Variants in IP6K2 observed in about 807,000 individuals in gnomAD.
The protein encoded by IP6K2 is ATP:1D-myo-inositol-hexakisphosphate phosphotransferase.
Under a neutral mutation model 43.3 loss-of-function variants are expected in IP6K2, and 9 were observed. The observed-to-expected ratio is 0.21, with a 90% CI of 0.13 to 0.36. IP6K2 has a LOEUF of 0.36. Ranked by LOEUF, IP6K2 falls within the 10% of genes least tolerant of loss-of-function variation. The probability of loss-of-function intolerance (pLI) is 1.00; values close to 1 mark genes in which losing one functional copy is unlikely to be tolerated. For synonymous variants in IP6K2, 209 were observed against 202.4 expected, an observed-to-expected ratio of 1.03 and a Z score of -0.28; for missense variants, 332 against 538.4, an observed-to-expected ratio of 0.62 and a Z score of 3.79.
chr3:48,714,440 G>A (rs6786069), intron 1 of IP6K2, among the ~76,000 whole-genome samples: 1 of 151,848 alleles, frequency 6.6e-6, no homozygotes, highest in South Asian at 2.1e-4. Context: ...TCGCCCAGGC[G>A]GGAGTGCAGT....
At chr3:48,694,489 A>G (rs2078090439) in intron 2 of IP6K2, 7 of 1,547,322 alleles carry the variant, frequency 4.5e-6, no homozygotes, top group South Asian at 1.2e-5. Flanking sequence ...CCACTCCCCA[A>G]CAAAGACCCC....
intron 1 of IP6K2, among the ~76,000 whole-genome samples, chr3:48,708,762 T>C (rs1487637948): frequency 6.6e-6 from 1 of 152,166 alleles, no homozygotes; most frequent in Non-Finnish European, 1.5e-5. Context: ...CATGGTTCTT[T>C]CATATGCCAA....
chr3:48,701,989 T>A (rs2079108329), intron 1 of IP6K2, among the ~76,000 whole-genome samples: 1 of 152,232 alleles, frequency 6.6e-6, no homozygotes, highest in Non-Finnish European at 1.5e-5. Flanking sequence ...GCATCCATTC[T>A]ATTTGGACTC....
intron 1 of IP6K2, among the ~76,000 whole-genome samples, chr3:48,700,169 A>G (rs2078869830): frequency 6.6e-6 from 1 of 152,210 alleles, no homozygotes; most frequent in Admixed American, 6.5e-5. Context: ...TTGGAGTTGC[A>G]AAGAAGTGGC....
chr3:48,701,757 G>A (rs1240731778), intron 1 of IP6K2, among the ~76,000 whole-genome samples: 3 of 151,894 alleles, frequency 2.0e-5, no homozygotes, highest in African/African-American at 7.3e-5. Flanking sequence ...AATTAGCTAG[G>A]CGTGGTGGCA....
At chr3:48,698,960 CA>C (rs1227096578) in intron 1 of IP6K2, among the ~76,000 whole-genome samples, 1 of 152,084 alleles carries the variant, frequency 6.6e-6, no homozygotes, top group Non-Finnish European at 1.5e-5. Flanking sequence ...GCAATGCTAA[CA>C]ACAATGCAAA....
intron 1 of IP6K2, among the ~76,000 whole-genome samples, chr3:48,703,330 C>A (rs1461740047): frequency 1.3e-5 from 2 of 152,114 alleles, no homozygotes; most frequent in Non-Finnish European, 1.5e-5. Flanking sequence ...ATATATTAAC[C>A]AGCATTCAAA....
chr3:48,692,849 T>TA, intron 3 of IP6K2, 105 bp downstream of exon 3: 1 of 778,064 alleles, frequency 1.3e-6, no homozygotes, highest in Non-Finnish European at 2.2e-6. Flanking sequence ...ACAAGGTACC[T>TA]ACTAAATCCA....
At chr3:48,708,420 G>T (rs1347039653) in intron 1 of IP6K2, among the ~76,000 whole-genome samples, 4 of 151,766 alleles carry the variant, frequency 2.6e-5, no homozygotes, top group Non-Finnish European at 5.9e-5. Context: ...ATTTTGAGAT[G>T]GGGGCTCACT....
At chr3:48,702,239 A>C (rs927133257) in intron 1 of IP6K2, among the ~76,000 whole-genome samples, 1 of 152,158 alleles carries the variant, frequency 6.6e-6, no homozygotes, top group African/African-American at 2.4e-5. Flanking sequence ...TCAAAAAAAA[A>C]TAAAATAAAG....
intron 1 of IP6K2, among the ~76,000 whole-genome samples, chr3:48,712,832 C>T (rs2080716284): frequency 1.3e-5 from 2 of 152,010 alleles, no homozygotes; most frequent in Admixed American, 6.6e-5. Flanking sequence ...GCCTGGACAA[C>T]ATGGTGAAAA....
chr3:48,716,900 T>C (rs890098885), intron 1 of IP6K2, among the ~76,000 whole-genome samples: 9 of 151,366 alleles, frequency 5.9e-5, no homozygotes, highest in Non-Finnish European at 1.0e-4. Flanking sequence ...CCCCCTCCAA[T>C]GACCGGGGAG....
chr3:48,715,229 T>C (rs934100053), intron 1 of IP6K2: 3 of 1,385,120 alleles, frequency 2.2e-6, no homozygotes, highest in Middle Eastern at 3.5e-4. Context: ...CCCAAGATTA[T>C]CCCACTAGGT....
rs1559521122 is a variant in IP6K2, at chr3:48,695,449, G to T, written c.-130-28C>A. 2 of 1,406,944 alleles carry T rather than the reference G, an allele frequency of 1.4e-6. No homozygotes were observed. Among genetic ancestry groups the T allele is most frequent in the Non-Finnish European group, 1.9e-6 (2 of 1,078,544 alleles). 87.2% of individuals were successfully genotyped at this position (1,406,944 alleles called of 1,614,324 possible). The stretch of plus-strand genomic sequence containing the variant: ...GGAAGCAAACAAAATGATGACATGG[G>T]GGTTCGAAGTAGCGTGGGAAGTGCC... On this transcript the variant is annotated intron_variant, in intron 1 of 5. Coordinates refer to ENST00000328631, the MANE Select transcript of IP6K2 (RefSeq NM_016291.4). This position sits in a 1 kb window ranked among gnomAD's most constrained non-coding sequence, Gnocchi z 4.6.
At chr3:48,703,514 C>A (rs920177870) in intron 1 of IP6K2, among the ~76,000 whole-genome samples, 2 of 145,718 alleles carry the variant, frequency 1.4e-5, no homozygotes, top group African/African-American at 5.1e-5. Context: ...ACCAACCTGG[C>A]TAACACGGTG....
chr3:48,714,048 C>G (rs530054309), intron 1 of IP6K2, among the ~76,000 whole-genome samples: 2 of 152,200 alleles, frequency 1.3e-5, no homozygotes, highest in African/African-American at 4.8e-5. Flanking sequence ...ACCTGAGAGG[C>G]GAAGGTTGTA....
intron 1 of IP6K2, chr3:48,716,581 G>C (rs941366025): frequency 6.6e-6 from 1 of 152,168 alleles, no homozygotes; most frequent in Non-Finnish European, 1.5e-5. Flanking sequence ...TCCATTTAAA[G>C]GCATTTTTTC....
intron 1 of IP6K2, among the ~76,000 whole-genome samples, chr3:48,698,083 AC>A (rs1159379334): frequency 1.3e-5 from 2 of 152,178 alleles, no homozygotes; most frequent in African/African-American, 4.8e-5. Context: ...GAAACTCAAC[AC>A]AGGCAATGGA....
In IP6K2 at chr3:48,712,976, G is replaced by A. The variant is rs1029238398; in HGVS notation, c.-131+4181C>T. On this transcript the variant is annotated intron_variant, in intron 1 of 5. Coordinates refer to ENST00000328631, the MANE Select transcript of IP6K2 (RefSeq NM_016291.4). ...TGCAATGAGCCGAGATCGCGCCACTGCACTCCAACCTGGGCAACAGAGTGA... is the reference window on the plus strand; with the variant it reads ...TGCAATGAGCCGAGATCGCGCCACTACACTCCAACCTGGGCAACAGAGTGA... Among the ~76,000 whole-genome samples the A allele has an allele frequency of 2.6e-5, 4 of 152,070 alleles. No homozygotes were observed. In the East Asian group the frequency reaches 5.8e-4, roughly 22 times the overall value.
Sources: allele counts gnomAD v4.1 joint callset (sites outside exome capture counted in the v4.1 genomes callset), GRCh38; gene constraint gnomAD v4.1.1; non-coding constraint Gnocchi (gnomAD v3.1); transcripts MANE v1.5; gene names NCBI Gene and HGNC (gene_info 2026-07-23, HGNC 2026-07-21).